The following NFAT5 variants were observed in gnomAD, a reference collection of about 807,000 sequenced individuals.
NFAT5 encodes the protein nuclear factor of activated T cells 5, also known as nuclear factor of activated T-cells 5.
Under a neutral mutation model 166.5 loss-of-function variants are expected in NFAT5, and 31 were observed. The observed-to-expected ratio is 0.19, with a 90% CI of 0.14 to 0.25. The LOEUF (loss-of-function observed/expected upper bound fraction) is 0.25, where lower values mean the gene tolerates loss of function less well. Among genes scored for constraint, NFAT5 ranks in the 10% least tolerant of loss-of-function variants. NFAT5 has a pLI of 1.00. For missense variants in NFAT5, 1,449 were observed against 1,821.8 expected (o/e 0.80, Z 3.72); for synonymous variants, 612 against 639.7 (o/e 0.96, Z 0.65).
chr16:69,625,108 G>T (rs2034394990), intron 2 of NFAT5, among the ~76,000 whole-genome samples: 1 of 151,808 alleles, frequency 6.6e-6, no homozygotes, highest in Non-Finnish European at 1.5e-5. Flanking sequence ...CACTATGTTG[G>T]CCAGGCTGGT....
At position 69,694,248 on chromosome 16, in the gene NFAT5, C is replaced by A; in HGVS notation, c.4414+9C>A. On this transcript the variant is annotated intron_variant, in intron 13 of 14. Transcript: ENST00000349945. ...ATTTGGCATTCAAAATAGTAAGAAACTCTAATTTTTCATTACTTAATTGGT... is the reference window on the plus strand; with the variant it reads ...ATTTGGCATTCAAAATAGTAAGAAAATCTAATTTTTCATTACTTAATTGGT... 1 of 1,587,362 alleles carries A rather than the reference C, an allele frequency of 6.3e-7. No homozygotes were observed. The highest frequency in any genetic ancestry group is 8.6e-7 in the Non-Finnish European group (1 of 1,165,062).
At chr16:69,594,205 C>A (rs1162942926) in intron 2 of NFAT5, among the ~76,000 whole-genome samples, 1 of 152,174 alleles carries the variant, frequency 6.6e-6, no homozygotes, top group Non-Finnish European at 1.5e-5. Flanking sequence ...TTACACAAAC[C>A]TATGTGGTAT....
At chr16:69,591,570 T>C (rs552688459) in intron 2 of NFAT5, among the ~76,000 whole-genome samples, 1 of 152,212 alleles carries the variant, frequency 6.6e-6, no homozygotes, top group Non-Finnish European at 1.5e-5. Flanking sequence ...GAAGCTTCTA[T>C]GAATAATTTT....
rs1276094829 is a variant in NFAT5, at chr16:69,693,942, T to A, written c.4117T>A (p.Ser1373Thr). ...ATCACAGACCCCCTTGTTCCATAGCTCTCCTCAGATTCAGTTGGTACAAGG... is the reference window on the plus strand; with the variant it reads ...ATCACAGACCCCCTTGTTCCATAGCACTCCTCAGATTCAGTTGGTACAAGG... ...ESSQTPLFHSSPQIQLVQGSP... is the reference protein window; with the variant it reads ...ESSQTPLFHSTPQIQLVQGSP... Residue 1373 changes from serine to threonine, a missense_variant, in exon 13 of 15, where the codon TCT (serine) becomes ACT (threonine). Transcript: ENST00000349945. 1 of 1,614,094 alleles carries A rather than the reference T, an allele frequency of 6.2e-7. No individual in the cohort carries two copies. Among genetic ancestry groups the A allele is most frequent in the Non-Finnish European group, 8.5e-7 (1 of 1,180,004 alleles).
At chr16:69,572,050 C>T (rs2016474272) in intron 2 of NFAT5, among the ~76,000 whole-genome samples, 1 of 152,092 alleles carries the variant, frequency 6.6e-6, no homozygotes, top group African/African-American at 2.4e-5. Context: ...GCGTGAGCCA[C>T]CGCACCTGGC....
intron 2 of NFAT5, among the ~76,000 whole-genome samples, chr16:69,616,845 A>G (rs1187732637): frequency 1.3e-5 from 2 of 150,314 alleles, no homozygotes; most frequent in East Asian, 3.9e-4. Flanking sequence ...GCCTCCCCCT[A>G]TTCTCTATAG....
At chr16:69,664,182 GT>G (rs2036263538) in intron 7 of NFAT5, among the ~76,000 whole-genome samples, 2 of 152,108 alleles carry the variant, frequency 1.3e-5, no homozygotes, top group African/African-American at 4.8e-5. Flanking sequence ...TGTTAACTAT[GT>G]TGTTCTACTA....
intron 5 of NFAT5, among the ~76,000 whole-genome samples, chr16:69,654,820 G>A (rs1430694486): frequency 5.3e-5 from 8 of 152,100 alleles, no homozygotes; most frequent in Admixed American, 3.9e-4. Flanking sequence ...TAGAAAAGAT[G>A]TGTGAATTTT....
Position 69,647,532 on chromosome 16 carries a change from A to G in NFAT5, c.758A>G (p.Tyr253Cys), listed in dbSNP as rs1359384084. 2.5e-6 allele frequency: 4 copies of G among 1,604,044 alleles called. No individual in the cohort carries two copies. The highest frequency in any genetic ancestry group is 1.7e-5 in the Admixed American group (1 of 59,978). The change falls in exon 4 of 15, where the codon TAT becomes TGT. Residue 253 changes from tyrosine to cysteine, a missense_variant. Physicochemically the swap from Tyr to Cys is radical, Grantham distance 194. Coordinates refer to ENST00000349945, the MANE Select transcript of NFAT5 (RefSeq NM_138713.4). The surrounding 1 kb of genome is among the most constrained non-coding windows in gnomAD (Gnocchi z 4.8). ...GCCGACAGTGCCAAAGCACCTCACTATGTGCTTTCTCAGCTTACCACGGAC... is the reference window on the plus strand; with the variant it reads ...GCCGACAGTGCCAAAGCACCTCACTGTGTGCTTTCTCAGCTTACCACGGAC... Reference protein sequence around the residue: ...FDADSAKAPHYVLSQLTTDNK... With the variant: ...FDADSAKAPHCVLSQLTTDNK...
chr16:69,658,177 T>C (rs1374187174), intron 6 of NFAT5, among the ~76,000 whole-genome samples: 2 of 151,954 alleles, frequency 1.3e-5, no homozygotes, highest in South Asian at 2.1e-4. Flanking sequence ...ATAGTACTTA[T>C]TCAATATAAG....
intron 2 of NFAT5, among the ~76,000 whole-genome samples, chr16:69,589,799 C>T (rs1197716396): frequency 6.6e-6 from 1 of 152,016 alleles, no homozygotes; most frequent in Non-Finnish European, 1.5e-5. Context: ...TTTTGTTTCT[C>T]ATTATTTCTT....
At chr16:69,634,425 G>A (rs2034864121) in intron 3 of NFAT5, among the ~76,000 whole-genome samples, 1 of 151,916 alleles carries the variant, frequency 6.6e-6, no homozygotes, top group Non-Finnish European at 1.5e-5. Context: ...CCAATAAACT[G>A]TACTCTTAAA....
At chr16:69,657,983 G>T (rs936462707) in intron 6 of NFAT5, among the ~76,000 whole-genome samples, 1 of 143,040 alleles carries the variant, frequency 7.0e-6, no homozygotes, top group Non-Finnish European at 1.5e-5. Context: ...TACTCCAGAG[G>T]CTGAGGCAGG....
intron 3 of NFAT5, among the ~76,000 whole-genome samples, chr16:69,628,410 C>A (rs139559802): frequency 5.5e-4 from 83 of 152,102 alleles, no homozygotes; most frequent in Non-Finnish European, 1.1e-3. Context: ...GGTAAACTTT[C>A]TAGTTTTGTT....
At chr16:69,679,632 A>AAATT (rs879327342) in intron 10 of NFAT5, among the ~76,000 whole-genome samples, 6 of 152,090 alleles carry the variant, frequency 3.9e-5, no homozygotes, top group Admixed American at 2.6e-4. Context: ...ATAAATAAAT[A>AAATT]ACCTTGATAT....
chr16:69,679,432 A>G (rs1453327835), intron 10 of NFAT5, among the ~76,000 whole-genome samples: 2 of 151,814 alleles, frequency 1.3e-5, no homozygotes, highest in Admixed American at 1.3e-4. Context: ...CCTGGCCAAC[A>G]TGGTGAAACC....
rs2037897793 is a variant in NFAT5, at chr16:69,701,486, T to A, written c.*5135T>A. 1 of 152,658 alleles carries A rather than the reference T, an allele frequency of 6.6e-6. No homozygotes were observed. Among genetic ancestry groups the A allele is most frequent in the Non-Finnish European group, 1.5e-5 (1 of 68,042 alleles). The allele number at this position is 152,658 out of a possible 1,614,324, so 9.5% of individuals were successfully genotyped here. ...TTTTACTTTTTCCATTTAAACCTTC[T>A]TTTCTCCATTTCTTCCCTTTGGCTT... is the stretch of plus-strand genomic sequence containing the variant. On this transcript the variant is annotated 3_prime_UTR_variant, in exon 15 of 15. Transcript: ENST00000349945.
chr16:69,632,282 G>A (rs1398459343), intron 3 of NFAT5: 1 of 152,130 alleles, frequency 6.6e-6, no homozygotes, highest in Non-Finnish European at 1.5e-5. Context: ...TTCCTACTAT[G>A]TGACAAGAAT....
At chr16:69,682,325 TGGC>T (rs2037099166) in intron 10 of NFAT5, among the ~76,000 whole-genome samples, 1 of 151,120 alleles carries the variant, frequency 6.6e-6, no homozygotes, top group Non-Finnish European at 1.5e-5. Context: ...AAGAAATTAC[TGGC>T]TGGGTGAGGT....
Sources: allele counts gnomAD v4.1 joint callset (sites outside exome capture counted in the v4.1 genomes callset), GRCh38; gene constraint gnomAD v4.1.1; non-coding constraint Gnocchi (gnomAD v3.1); transcripts MANE v1.5; gene names NCBI Gene and HGNC (gene_info 2026-07-23, HGNC 2026-07-21).